Variants in ATAD3A observed in about 807,000 individuals in gnomAD.
ATAD3A encodes the protein ATPase family AAA domain containing 3A, also known as ATPase family AAA domain-containing protein 3A.
A neutral mutation model predicts 73.8 loss-of-function variants in ATAD3A; 46 were observed. The observed-to-expected ratio is 0.62, with a 90% CI of 0.49 to 0.80. The LOEUF is 0.80. Ranked by LOEUF, ATAD3A falls within the 30% of genes least tolerant of loss-of-function variation. The pLI is 0.00. For synonymous variants in ATAD3A, 319 were observed against 350.0 expected (o/e 0.91, Z 0.99); for missense variants, 705 against 838.0 (o/e 0.84, Z 1.96).
At chr1:1,527,255 G>A (rs907871697) in intron 13 of ATAD3A, 29 of 1,284,738 alleles carry the variant, frequency 2.3e-5, no homozygotes, top group Admixed American at 2.4e-5. Context: ...TGCTGCCGGT[G>A]GATGCTCCCT....
chr1:1,521,413 C>T (rs1157659655), intron 7 of ATAD3A, among the ~76,000 whole-genome samples: 3 of 149,738 alleles, frequency 2.0e-5, no homozygotes, highest in East Asian at 2.0e-4. Flanking sequence ...ACAGATTCTT[C>T]TCTCGTTTAA....
chr1:1,531,032 C>T (rs898206574), intron 15 of ATAD3A, among the ~76,000 whole-genome samples: 3 of 152,058 alleles, frequency 2.0e-5, no homozygotes, highest in Admixed American at 2.0e-4. Flanking sequence ...GTGGTGTATG[C>T]CTGTAGTCCC....
rs376737789 is a variant in ATAD3A at position 1,523,929 on chromosome 1, G to C, written c.1054G>C (p.Gly352Arg). Reference protein sequence around the residue: ...RSLYRNILMYGPPGTGKTLFA... With the variant: ...RSLYRNILMYRPPGTGKTLFA... ...CCTGTACAGGAACATCCTGATGTAC[G>C]GGCCACCAGGCACCGGGAAGACGCT... is the stretch of plus-strand genomic sequence containing the variant. Residue 352 changes from glycine (G) to arginine (R), a missense_variant, in exon 10 of 16, where the codon GGG (glycine) becomes CGG (arginine). Coordinates refer to ENST00000378756, the MANE Select transcript of ATAD3A (RefSeq NM_001170535.3). This position sits in a 1 kb window ranked among gnomAD's most constrained non-coding sequence, Gnocchi z 5.1. The C allele has an allele frequency of 1.2e-6, 2 of 1,613,892 alleles. No individual in the cohort carries two copies. The highest frequency in any genetic ancestry group is 1.7e-6 in the Non-Finnish European group (2 of 1,180,024).
In ATAD3A at chr1:1,518,842, G is replaced by A. The variant is rs569027390; in HGVS notation, c.445-79G>A. Reference sequence around the variant, plus strand: ...GGCACACTCACCCCCCTGCACACTCGGGCACAGTCATCCCCCGCACACATG... The same window carrying A: ...GGCACACTCACCCCCCTGCACACTCAGGCACAGTCATCCCCCGCACACATG... On this transcript the variant is annotated intron_variant, in intron 4 of 15. Coordinates refer to ENST00000378756, the MANE Select transcript of ATAD3A (RefSeq NM_001170535.3). 14 of 1,605,132 alleles carry A rather than the reference G, an allele frequency of 8.7e-6. No individual in the cohort carries two copies. In the East Asian group the frequency reaches 1.1e-4, roughly 13 times the overall value.
rs954266132 is a variant in ATAD3A at position 1,530,718 on chromosome 1, A to G, written c.1614+1387A>G. Among the ~76,000 whole-genome samples the G allele has an allele frequency of 2.6e-5, 3 of 116,126 alleles. 1 individual carries two copies. Among genetic ancestry groups the G allele is most frequent in the African/African-American group, 1.7e-4 (3 of 17,438 alleles). The allele number at this position is 116,126 out of a possible 152,430, so 76.2% of individuals were successfully genotyped here. On this transcript the variant is annotated intron_variant, in intron 15 of 15. Coordinates refer to ENST00000378756, the MANE Select transcript of ATAD3A (RefSeq NM_001170535.3). ...GTGGCGGGCGCCTGTAGTCCCAGCT[A>G]CTTGGGAGGCTGAGGCAGGAGAATG...
In ATAD3A at chr1:1,523,542, A is replaced by G. The variant is rs753979429; in HGVS notation, c.938A>G (p.Asp313Gly). ...CGGCGGCTCCTCAGTCGACCCCAGG[A>G]CGCGCTGGAGGGTGTTGTGCTCAGT... ...VSRRLLSRPQ[D>G]ALEGVVLSPS... is the part of the protein sequence containing the mutation. The change falls in exon 9 of 16, where the codon GAC (aspartate) becomes GGC (glycine). Residue 313 changes from aspartate (D) to glycine (G), a missense_variant. By Grantham distance (94) the Asp-to-Gly change is moderately conservative. Around this residue, in one of 5 missense-constraint regions of ATAD3A, gnomAD observed 315 missense variants for 334.1 expected, o/e 0.94. Coordinates refer to ENST00000378756, the MANE Select transcript of ATAD3A (RefSeq NM_001170535.3). This position sits in a 1 kb window ranked among gnomAD's most constrained non-coding sequence, Gnocchi z 5.1. 2 of 1,612,682 alleles carry G rather than the reference A, an allele frequency of 1.2e-6. No homozygotes were observed. Among genetic ancestry groups the G allele is most frequent in the South Asian group, 2.2e-5 (2 of 90,982 alleles).
intron 4 of ATAD3A, 51 bp from the exon 5 acceptor site, chr1:1,518,870 C>T (rs374637828): frequency 6.2e-6 from 10 of 1,613,882 alleles, no homozygotes; most frequent in Non-Finnish European, 6.8e-6. Context: ...CACACATGGG[C>T]ACAGTCACAG....
Position 1,524,418 on chromosome 1 carries a change from G to A in ATAD3A, c.1214+21G>A, listed in dbSNP as rs374920694. On this transcript the variant is annotated intron_variant, in intron 11 of 15. Transcript: ENST00000378756. ...CGCGGGTGAGACGTCCCCACAGCAT[G>A]CACCAGGCCCTTGGCTGCGGCCCAG... The A allele has an allele frequency of 1.9e-5, 30 of 1,585,838 alleles. No homozygotes were observed. In the African/African-American group the frequency reaches 4.0e-4, roughly 21 times the overall value.
intron 12 of ATAD3A, among the ~76,000 whole-genome samples, chr1:1,526,037 T>A (rs975438965): frequency 1.3e-5 from 2 of 151,650 alleles, no homozygotes; most frequent in African/African-American, 4.8e-5. Context: ...TTTTTTTTTT[T>A]TTTAAGGCAG....
At chr1:1,527,613 G>C in intron 13 of ATAD3A, 82 bp from the exon 14 acceptor site, 2 of 1,495,654 alleles carry the variant, frequency 1.3e-6, no homozygotes, top group South Asian at 1.3e-5. Context: ...GGTTCTCCCT[G>C]TGGGGGCTGA....
intron 1 of ATAD3A, among the ~76,000 whole-genome samples, chr1:1,512,865 C>T (rs1222664258): frequency 1.3e-5 from 2 of 152,124 alleles, no homozygotes; most frequent in African/African-American, 4.8e-5. Flanking sequence ...TGGTTGCTAG[C>T]AGTTTCCACG....
chr1:1,527,954 ATTCCTT>A (rs1641907497), intron 14 of ATAD3A, 92 bp downstream of exon 14: 7 of 1,158,632 alleles, frequency 6.0e-6, no homozygotes, highest in East Asian at 6.2e-5. Context: ...AACCTTTAAC[ATTCCTT>A]TTTTTTTTTT....
intron 14 of ATAD3A, 47 bp from the exon 15 acceptor site, chr1:1,529,176 G>C: frequency 6.3e-7 from 1 of 1,598,958 alleles, no homozygotes; most frequent in Non-Finnish European, 8.5e-7. Flanking sequence ...ACCTCGTGTT[G>C]TGGGAGCTGC....
intron 1 of ATAD3A, 30 bp downstream of exon 1, chr1:1,512,503 C>T: frequency 4.7e-6 from 1 of 214,376 alleles, no homozygotes; most frequent in Non-Finnish European, 6.9e-6. Context: ...GCGGCGCGGG[C>T]GGGCGGGCGG....
rs199582873 is a variant in ATAD3A at position 1,522,807 on chromosome 1, G to A, written c.814G>A (p.Gly272Ser). Residue 272 changes from glycine (G) to serine (S), a missense_variant, in exon 8 of 16, where the codon GGC (glycine) becomes AGC (serine). Coordinates refer to ENST00000378756, the MANE Select transcript of ATAD3A (RefSeq NM_001170535.3). ...YSAKNATLVA[G>S]RFIEARLGKP... is the part of the protein sequence containing the mutation. ...AGCCAAGAATGCCACGCTTGTCGCC[G>A]GCCGCTTCATCGAGGCTCGGCTGGG... 28 of 1,611,112 alleles carry A rather than the reference G, an allele frequency of 1.7e-5. No homozygotes were observed. Among genetic ancestry groups the A allele is most frequent in the East Asian group, 1.3e-4 (6 of 44,882 alleles).
intron 12 of ATAD3A, 107 bp from the exon 13 acceptor site, chr1:1,526,354 T>A (rs1006233380): frequency 1.3e-5 from 20 of 1,564,578 alleles, no homozygotes; most frequent in Non-Finnish European, 1.4e-5. Flanking sequence ...CATGAAAGTG[T>A]CGCCATGTCC....
intron 1 of ATAD3A, among the ~76,000 whole-genome samples, chr1:1,515,367 G>A (rs1240231645): frequency 2.6e-5 from 4 of 152,152 alleles, no homozygotes; most frequent in South Asian, 4.1e-4. Flanking sequence ...GTGAGCCACC[G>A]CGCCCAGCCA....
At position 1,523,375 on chromosome 1, in the gene ATAD3A, C is replaced by G; in HGVS notation, c.907-136C>G. 1.2e-5 allele frequency: 17 copies of G among 1,424,858 alleles called. No individual in the cohort carries two copies. Among genetic ancestry groups the G allele is most frequent in the Non-Finnish European group, 1.4e-5 (15 of 1,047,738 alleles). The allele number at this position is 1,424,858 out of a possible 1,614,324, so 88.3% of individuals were successfully genotyped here. A position where few individuals can be genotyped will look rare whatever the true frequency, so the allele number is the denominator to read the frequency against. On this transcript the variant is annotated intron_variant, in intron 8 of 15. Transcript: ENST00000378756. The surrounding 1 kb of genome is among the most constrained non-coding windows in gnomAD (Gnocchi z 5.1). Reference sequence around the variant, plus strand: ...CCTGGTCTCCGGGCGGGGCAGGGTTCCAGCTCCGGGCCGGTCCTGGCTGTG... The same window carrying G: ...CCTGGTCTCCGGGCGGGGCAGGGTTGCAGCTCCGGGCCGGTCCTGGCTGTG...
At chr1:1,528,869 C>G (rs1641941341) in intron 14 of ATAD3A, among the ~76,000 whole-genome samples, 1 of 152,250 alleles carries the variant, frequency 6.6e-6, no homozygotes, top group Non-Finnish European at 1.5e-5. Context: ...CTGCTCGTAG[C>G]CCTGGCACCA....
Sources: allele counts gnomAD v4.1 joint callset (sites outside exome capture counted in the v4.1 genomes callset), GRCh38; gene constraint gnomAD v4.1.1; regional missense constraint gnomAD v4.1.1; non-coding constraint Gnocchi (gnomAD v3.1); transcripts MANE v1.5; gene names NCBI Gene and HGNC (gene_info 2026-07-23, HGNC 2026-07-21).